The following AP3D1 variants were observed in gnomAD, a reference collection of about 807,000 sequenced individuals.
The protein encoded by AP3D1 is adaptor related protein complex 3 subunit delta 1, also known as AP-3 complex subunit delta-1.
Under a neutral mutation model 147.6 loss-of-function variants are expected in AP3D1, and 51 were observed. The observed-to-expected ratio is 0.35, with a 90% CI of 0.28 to 0.44. The LOEUF (loss-of-function observed/expected upper bound fraction) is 0.44. Ranked by LOEUF, AP3D1 falls within the 20% of genes least tolerant of loss-of-function variation. The pLI is 1.00. For synonymous variants in AP3D1, 760 were observed against 663.0 expected (o/e 1.15, Z -2.25); for missense variants, 1,421 against 1,624.2 (o/e 0.87, Z 2.15).
chr19:2,121,763 G>A lies in AP3D1; in HGVS notation c.1072C>T (p.Leu358=). Residue 358 remains leucine (L), a synonymous_variant, in exon 12 of 32, where the codon CTG becomes TTG. Coordinates refer to ENST00000643116, the MANE Select transcript of AP3D1 (RefSeq NM_001261826.3). ...CLDDKDESIR[L]RALDLLYGMV... Reference sequence around the variant, plus strand: ...CCATAGAGCAGGTCCAGGGCCCGCAGCCGGATGGACTCGTCCTTGTCGTCC... The same window carrying A: ...CCATAGAGCAGGTCCAGGGCCCGCAACCGGATGGACTCGTCCTTGTCGTCC... The A allele has an allele frequency of 1.2e-6, 2 of 1,610,708 alleles. No homozygotes were observed. Among genetic ancestry groups the A allele is most frequent in the Non-Finnish European group, 1.7e-6 (2 of 1,178,680 alleles).
rs1271425952 is a variant in AP3D1, at chr19:2,137,077, G to A, written c.288C>T (p.Leu96=). 6.9e-6 allele frequency: 11 copies of A among 1,589,684 alleles called. No homozygotes were observed. Among genetic ancestry groups the A allele is most frequent in the East Asian group, 4.6e-5 (2 of 43,254 alleles). The change falls in exon 4 of 32, where the codon CTC becomes CTT. Residue 96 remains leucine, a synonymous_variant. Transcript: ENST00000643116. ...CTTCGTGAAAGCTCTGGGAAGCAGC[G>A]AGGTAGCCAATTCGCTGGGAGAGAA... The part of the protein sequence containing the change: ...SKFTFKRIGY[L]AASQSFHEGT...
At position 2,116,707 on chromosome 19, in the gene AP3D1, G is replaced by C; in HGVS notation, c.1899C>G (p.Asp633Glu). 3 of 1,611,718 alleles carry C rather than the reference G, an allele frequency of 1.9e-6. No homozygotes were observed. The highest frequency in any genetic ancestry group is 2.5e-6 in the Non-Finnish European group (3 of 1,179,196). ...TGGGCCTCTCGTCCTCTGACTCGCT[G>C]TCCGAGAGTGGCTCATTGATCCAGG... is the stretch of plus-strand genomic sequence containing the variant. ...LDAWINEPLSDSESEDERPRA... is the reference protein window; with the variant it reads ...LDAWINEPLSESESEDERPRA... The change falls in exon 17 of 32, where the codon GAC becomes GAG. Residue 633 changes from aspartate (D) to glutamate (E), a missense_variant. Physicochemically the swap from Asp to Glu is conservative, Grantham distance 45. This residue lies in a region of AP3D1 where 791 missense variants were observed against 761.4 expected (regional missense o/e 1.04). Transcript: ENST00000643116.
At chr19:2,111,650 TG>T in intron 25 of AP3D1, 28 bp downstream of exon 25, 1 of 1,559,838 alleles carries the variant, frequency 6.4e-7, no homozygotes, top group Non-Finnish European at 8.6e-7. Context: ...AACCCCGGCG[TG>T]GGGCGGGGGC....
chr19:2,162,634 C>T (rs1318765743), intron 1 of AP3D1, among the ~76,000 whole-genome samples: 2 of 151,526 alleles, frequency 1.3e-5, no homozygotes, highest in Non-Finnish European at 1.5e-5. Flanking sequence ...TGCACTCCAG[C>T]CTGGGCGACA....
At chr19:2,102,683 G>C (rs1045072339) in intron 31 of AP3D1, among the ~76,000 whole-genome samples, 2 of 151,296 alleles carry the variant, frequency 1.3e-5, no homozygotes, top group African/African-American at 4.9e-5. Flanking sequence ...AGCCGAGATC[G>C]CGCCACTGCA....
intron 31 of AP3D1, among the ~76,000 whole-genome samples, chr19:2,107,749 A>G (rs1176572541): frequency 1.3e-5 from 2 of 151,942 alleles, no homozygotes; most frequent in Non-Finnish European, 2.9e-5. Context: ...CAAAAAAAAA[A>G]AAAAAGAAAA....
At chr19:2,153,643 C>G (rs1234897894), upstream of AP3D1, among the ~76,000 whole-genome samples, 1 of 147,522 alleles carries the variant, frequency 6.8e-6, no homozygotes, top group African/African-American at 2.5e-5. Context: ...CCATTACACT[C>G]AAGCCTGGGA....
At chr19:2,119,740 C>T (rs1354823760) in intron 14 of AP3D1, among the ~76,000 whole-genome samples, 2 of 149,616 alleles carry the variant, frequency 1.3e-5, no homozygotes, top group Admixed American at 6.7e-5. Flanking sequence ...AAGAGACCAG[C>T]CTGGCCAACA....
intron 10 of AP3D1, 47 bp from the exon 11 acceptor site, chr19:2,123,453 G>A: frequency 6.2e-7 from 1 of 1,600,098 alleles, no homozygotes; most frequent in Non-Finnish European, 8.6e-7. Context: ...CTAAACCAAG[G>A]GTGAGTCCCA....
At chr19:2,151,024 A>C (rs968629757) in intron 1 of AP3D1, among the ~76,000 whole-genome samples, 1 of 152,230 alleles carries the variant, frequency 6.6e-6, no homozygotes, top group Non-Finnish European at 1.5e-5. Flanking sequence ...GTGCTGCTCC[A>C]AGGCCTTCGC....
chr19:2,108,598 C>T, intron 31 of AP3D1, 89 bp downstream of exon 31: 4 of 1,283,564 alleles, frequency 3.1e-6, no homozygotes, highest in South Asian at 2.6e-5. Context: ...CCCTCTAAGT[C>T]CCAAAGCGCG....
intron 4 of AP3D1, 87 bp from the exon 5 acceptor site, chr19:2,132,665 T>C (rs932431304): frequency 8.6e-6 from 10 of 1,157,820 alleles, no homozygotes; most frequent in Non-Finnish European, 1.3e-5. Flanking sequence ...AGGAGCGAAA[T>C]TCTCCCAGGA....
rs1172303872 is a variant in AP3D1, at chr19:2,117,474, C to T, written c.1714-107G>A. 4 of 1,236,640 alleles carry T rather than the reference C, an allele frequency of 3.2e-6. No individual in the cohort carries two copies. The African/African-American group carries it at 4.6e-5, about 14-fold the overall frequency. 76.6% of individuals were successfully genotyped at this position (1,236,640 alleles called of 1,614,324 possible). A position where few individuals can be genotyped will look rare whatever the true frequency, so the allele number is the denominator to read the frequency against. ...CCTGGCACAGTGACGTGTGGGCCCCCTGGTACAGCCACATAGCCACAGAGA... is the reference window on the plus strand; with the variant it reads ...CCTGGCACAGTGACGTGTGGGCCCCTTGGTACAGCCACATAGCCACAGAGA... On this transcript the variant is annotated intron_variant, in intron 15 of 31. Coordinates refer to ENST00000643116, the MANE Select transcript of AP3D1 (RefSeq NM_001261826.3).
chr19:2,127,079 C>G, intron 9 of AP3D1, 73 bp downstream of exon 9: 1 of 1,516,794 alleles, frequency 6.6e-7, no homozygotes, highest in Non-Finnish European at 9.1e-7. Flanking sequence ...AGGCCTGGCG[C>G]CCTCCTGTCC....
intron 31 of AP3D1, among the ~76,000 whole-genome samples, chr19:2,107,802 G>T (rs1226013213): frequency 6.6e-6 from 1 of 151,468 alleles, no homozygotes; most frequent in Non-Finnish European, 1.5e-5. Flanking sequence ...GGAAAAAAGA[G>T]ACACAAACCG....
rs776291999 is a variant in AP3D1, at chr19:2,138,643, C to T, written c.168G>A (p.Ala56=). 12 of 1,613,844 alleles carry T rather than the reference C, an allele frequency of 7.4e-6. No homozygotes were observed. Among genetic ancestry groups the T allele is most frequent in the South Asian group, 3.3e-5 (3 of 91,088 alleles). ...CATACGTCAGCTTGCAGACCGCGTT[C>T]GCCTTCACCGCTATGTTGTCCTGCT... ...ELKQDNIAVK[A]NAVCKLTYLQ... is the part of the protein sequence containing the mutation. Residue 56 remains alanine, a synonymous_variant, in exon 2 of 32, where the codon GCG becomes GCA. Transcript: ENST00000643116.
At chr19:2,137,842 G>A in intron 2 of AP3D1, 35 bp from the exon 3 acceptor site, 1 of 1,603,082 alleles carries the variant, frequency 6.2e-7, no homozygotes, top group Non-Finnish European at 8.5e-7. Flanking sequence ...GCACTCACAA[G>A]CCAAAGCAGA....
At chr19:2,131,509 A>ACAGTGCTTCC (rs1356048041) in intron 5 of AP3D1, among the ~76,000 whole-genome samples, 30 of 122,536 alleles carry the variant, frequency 2.4e-4, no homozygotes, top group African/African-American at 8.7e-4. Flanking sequence ...CCACGAGGGG[A>ACAGTGCTTCC]CAGGGCCCAT....
chr19:2,148,183 A>T (rs2019411906), intron 1 of AP3D1, among the ~76,000 whole-genome samples: 1 of 152,010 alleles, frequency 6.6e-6, no homozygotes, highest in Admixed American at 6.6e-5. Flanking sequence ...AAAATGGAGA[A>T]AACTTTCCCA....
Sources: gnomAD v4.1 joint callset for allele counts (sites outside exome capture counted in the v4.1 genomes callset) on GRCh38, gnomAD v4.1.1 for gene constraint, gnomAD v4.1.1 regional missense constraint, MANE v1.5 for transcripts, NCBI Gene and HGNC (gene_info 2026-07-23, HGNC 2026-07-21) for gene names.